UBE2D3: variants seen among roughly 807,000 people sequenced by gnomAD.
UBE2D3 encodes the protein ubiquitin-conjugating enzyme E2 D3.
UBE2D3 carries 2 observed loss-of-function variants against 22.8 expected under a neutral mutation model. The ratio of observed to expected loss-of-function variants is 0.09; its 90% CI spans 0.04 to 0.28. The LOEUF is 0.28. UBE2D3 is among the 10% of genes least tolerant of loss of function. UBE2D3 has a pLI of 1.00. For synonymous variants in UBE2D3, 56 were observed against 60.4 expected, an observed-to-expected ratio of 0.93 and a Z score of 0.34; for missense variants, 27 against 182.5, an observed-to-expected ratio of 0.15 and a Z score of 4.91.
Position 102,827,469 on chromosome 4 carries a change from C to G in UBE2D3, c.-171G>C. The G allele has an allele frequency of 1.0e-6, 1 of 986,222 alleles. No individual in the cohort carries two copies. The highest frequency in any genetic ancestry group is 1.2e-6 in the Non-Finnish European group (1 of 830,184). The allele number at this position is 986,222 out of a possible 1,614,324, so 61.1% of individuals were successfully genotyped here. ...CCTCAAGCTGCGGCCTCGGCCTCCT[C>G]CCCGCGCGGCAGCTGGTGCCTCCCC... On this transcript the variant is annotated 5_prime_UTR_variant, in exon 1 of 8. Transcript: ENST00000453744.
At chr4:102,855,571 C>A (rs953366282) in intron 1 of UBE2D3, among the ~76,000 whole-genome samples, 6 of 152,120 alleles carry the variant, frequency 3.9e-5, no homozygotes, top group Admixed American at 6.6e-5. Flanking sequence ...CAGGTGTGTG[C>A]CACCACACCC....
intron 1 of UBE2D3, among the ~76,000 whole-genome samples, chr4:102,832,718 A>G (rs911062271): frequency 2.6e-5 from 4 of 152,222 alleles, no homozygotes; most frequent in South Asian, 4.1e-4. Flanking sequence ...GAATGTTACA[A>G]TAAAATCAAG....
intron 1 of UBE2D3, among the ~76,000 whole-genome samples, chr4:102,853,441 C>A (rs932285398): frequency 2.0e-5 from 3 of 152,014 alleles, no homozygotes; most frequent in African/African-American, 7.3e-5. Context: ...CCATGTCCAT[C>A]ATAAGGTCTA....
intron 2 of UBE2D3, among the ~76,000 whole-genome samples, chr4:102,824,454 T>C (rs1384030812): frequency 6.6e-6 from 1 of 152,236 alleles, no homozygotes; most frequent in Non-Finnish European, 1.5e-5. Context: ...GCCACCCCAA[T>C]GTCTAAAACA....
intron 4 of UBE2D3, among the ~76,000 whole-genome samples, chr4:102,807,112 C>T (rs559166547): frequency 6.6e-6 from 1 of 152,266 alleles, no homozygotes; most frequent in East Asian, 1.9e-4. Context: ...GTGGCACTGG[C>T]ACCACTTTAA....
chr4:102,864,883 T>A (rs1733074409), intron 1 of UBE2D3, among the ~76,000 whole-genome samples: 2 of 152,342 alleles, frequency 1.3e-5, no homozygotes, highest in South Asian at 4.1e-4. Flanking sequence ...TGTGGAAACC[T>A]GATTTGAGAT....
At chr4:102,820,467 A>G (rs1188896989) in intron 2 of UBE2D3, among the ~76,000 whole-genome samples, 1 of 152,328 alleles carries the variant, frequency 6.6e-6, no homozygotes, top group Non-Finnish European at 1.5e-5. Flanking sequence ...ACAGTATCTC[A>G]CTGCATCACT....
At chr4:102,816,637 C>CA (rs1194694181) in intron 2 of UBE2D3, among the ~76,000 whole-genome samples, 2 of 152,150 alleles carry the variant, frequency 1.3e-5, no homozygotes, top group Non-Finnish European at 2.9e-5. Flanking sequence ...TATGCCACTT[C>CA]AAACACAATT....
At chr4:102,847,249 C>T (rs1578291015) in intron 1 of UBE2D3, among the ~76,000 whole-genome samples, 1 of 152,102 alleles carries the variant, frequency 6.6e-6, no homozygotes, top group African/African-American at 2.4e-5. Flanking sequence ...CTCCTTCAGA[C>T]CTGTAATAGA....
intron 2 of UBE2D3, chr4:102,811,045 G>GATTCCATTTGA (rs11271597): frequency 0.14 from 21,167 of 152,058 alleles, 1,566 homozygotes; most frequent in African/African-American, 0.16. Flanking sequence ...TAAGGTTTGG[G>GATTCCATTTGA]ATTCCATTTG....
upstream of UBE2D3, chr4:102,827,868 G>C: frequency 2.0e-6 from 2 of 985,736 alleles, no homozygotes; most frequent in Non-Finnish European, 2.4e-6. Context: ...GGAGACCATG[G>C]GAGGAAGGTA....
intron 4 of UBE2D3, among the ~76,000 whole-genome samples, chr4:102,802,914 A>C (rs377216700): frequency 6.6e-6 from 1 of 152,242 alleles, no homozygotes; most frequent in Non-Finnish European, 1.5e-5. Flanking sequence ...CTCAATTCTC[A>C]AAAGTACAAC....
chr4:102,832,332 A>G (rs1247800971), upstream of UBE2D3, among the ~76,000 whole-genome samples: 1 of 151,152 alleles, frequency 6.6e-6, no homozygotes, highest in Non-Finnish European at 1.5e-5. Flanking sequence ...AGAGAATGAG[A>G]AGACAGAAAA....
rs1725169001 is a variant in UBE2D3 at position 102,795,366 on chromosome 4, G to C, written c.*2049C>G. ...ATATGCCTACTAAAGCTGTTATTTT[G>C]AGACTATATGCATCTCAGAAGTAAT... On this transcript the variant is annotated 3_prime_UTR_variant, in exon 8 of 8. Transcript: ENST00000453744. The C allele has an allele frequency of 6.6e-6, 1 of 152,044 alleles. No homozygotes were observed. The highest frequency in any genetic ancestry group is 1.5e-5 in the Non-Finnish European group (1 of 67,928). 9.4% of individuals were successfully genotyped at this position (152,044 alleles called of 1,614,324 possible). A position where few individuals can be genotyped will look rare whatever the true frequency, so the allele number is the denominator to read the frequency against.
chr4:102,795,685 A>G lies in UBE2D3; in HGVS notation c.*1730T>C, dbSNP rs1352441158. 2 of 152,106 alleles carry G rather than the reference A, an allele frequency of 1.3e-5. No individual in the cohort carries two copies. Among genetic ancestry groups the G allele is most frequent in the South Asian group, 2.1e-4 (1 of 4,830 alleles). 9.4% of individuals were successfully genotyped at this position (152,106 alleles called of 1,614,324 possible). On this transcript the variant is annotated 3_prime_UTR_variant, in exon 8 of 8. Transcript: ENST00000453744. ...AGTCAATAAATCATGTCCAAACTAC[A>G]TATTAAAATGTTTATAAAAAGTAAG...
chr4:102,847,950 G>T (rs938994316), intron 1 of UBE2D3, among the ~76,000 whole-genome samples: 2 of 152,018 alleles, frequency 1.3e-5, no homozygotes, highest in African/African-American at 4.8e-5. Flanking sequence ...CTTAACCCAC[G>T]TATGCCTAGC....
chr4:102,826,696 C>A, intron 1 of UBE2D3, 60 bp from the exon 2 acceptor site: 1 of 1,472,884 alleles, frequency 6.8e-7, no homozygotes, highest in Non-Finnish European at 8.9e-7. Context: ...CCTGATGAAT[C>A]CAGGTCCCTT....
intron 1 of UBE2D3, among the ~76,000 whole-genome samples, chr4:102,848,574 G>C (rs964291269): frequency 1.3e-5 from 2 of 151,354 alleles, no homozygotes; most frequent in African/African-American, 4.9e-5. Flanking sequence ...GAACCTGGGA[G>C]GCGGAGGATG....
chr4:102,798,279 A>AAATATATATATATATATATAT (rs1725523227), intron 7 of UBE2D3, among the ~76,000 whole-genome samples: 3 of 111,856 alleles, frequency 2.7e-5, no homozygotes, highest in Admixed American at 9.0e-5. Flanking sequence ...TTAAGAAATG[A>AAATATATATATATATATATAT]ATATATATAT....
Sources: gnomAD v4.1 joint callset for allele counts (sites outside exome capture counted in the v4.1 genomes callset) on GRCh38, gnomAD v4.1.1 for gene constraint, MANE v1.5 for transcripts, NCBI Gene and HGNC (gene_info 2026-07-23, HGNC 2026-07-21) for gene names.